Variants in KCNU1 observed in about 807,000 individuals in gnomAD.
KCNU1 encodes the protein potassium calcium-activated channel subfamily U member 1.
Under a neutral mutation model 126.8 loss-of-function variants are expected in KCNU1, and 93 were observed. The ratio of observed to expected loss-of-function variants is 0.73; its 90% confidence interval spans 0.62 to 0.87. The LOEUF (loss-of-function observed/expected upper bound fraction) is 0.87, where lower values mean the gene tolerates loss of function less well. Among genes scored for constraint, KCNU1 ranks in the 40% least tolerant of loss-of-function variants. KCNU1 has a pLI of 0.00. For missense variants in KCNU1, 1,330 were observed against 1,367.1 expected, an observed-to-expected ratio of 0.97 and a Z score of 0.43; for synonymous variants, 523 against 494.2, an observed-to-expected ratio of 1.06 and a Z score of -0.77.
chr8:36,890,509 A>G (rs1806918548), intron 19 of KCNU1, among the ~76,000 whole-genome samples: 1 of 152,010 alleles, frequency 6.6e-6, no homozygotes, highest in Admixed American at 6.6e-5. Context: ...AAAAATATAT[A>G]TAAGTGTTGT....
At chr8:36,799,292 C>T (rs935015976) in intron 2 of KCNU1, among the ~76,000 whole-genome samples, 11 of 151,842 alleles carry the variant, frequency 7.2e-5, no homozygotes, top group African/African-American at 2.4e-4. Context: ...AAAGGTATAG[C>T]GTATCTTCAA....
intron 19 of KCNU1, among the ~76,000 whole-genome samples, chr8:36,877,081 C>T (rs1469183407): frequency 3.9e-5 from 6 of 152,140 alleles, no homozygotes; most frequent in Non-Finnish European, 8.8e-5. Flanking sequence ...GTTACCTGCA[C>T]TTAGAAGCAC....
At chr8:36,840,435 C>A in intron 14 of KCNU1, 28 bp from the exon 15 acceptor site, 3 of 1,098,428 alleles carry the variant, frequency 2.7e-6, no homozygotes, top group Non-Finnish European at 4.2e-6. Flanking sequence ...TGTCGTTTTG[C>A]TTCGTGTGGC....
chr8:36,907,844 A>C (rs750675882), intron 20 of KCNU1, among the ~76,000 whole-genome samples: 4 of 152,244 alleles, frequency 2.6e-5, no homozygotes, highest in Non-Finnish European at 5.9e-5. Context: ...ACTCTGTACC[A>C]GCTTCTAAAT....
rs1807731886 is a variant in KCNU1, at chr8:36,908,604, T to A, written c.2107-707T>A. Among the ~76,000 whole-genome samples the A allele has an allele frequency of 2.1e-5, 3 of 142,762 alleles. No homozygotes were observed. The South Asian group carries it at 6.7e-4, about 32-fold the overall frequency. The allele number at this position is 142,762 out of a possible 152,430, so 93.7% of individuals were successfully genotyped here. ...CAAGGACAGACAATCAAACACCGCA[T>A]ATTCTCACTCATAGGTGGGAACTGA... On this transcript the variant is annotated intron_variant, in intron 20 of 26. Coordinates refer to ENST00000399881, the MANE Select transcript of KCNU1 (RefSeq NM_001031836.3).
rs754705519 is a variant in KCNU1, at chr8:36,932,925, A to T, written c.2937A>T (p.Arg979Ser). ...HETILSDVNP[R>S]NTFGQLFCGS... ...TTTGTCTCTTCTCTCCCCAGCCAAGAAACACCTTTGGACAACTGTTCTGTG... is the reference window on the plus strand; with the variant it reads ...TTTGTCTCTTCTCTCCCCAGCCAAGTAACACCTTTGGACAACTGTTCTGTG... The change falls in exon 26 of 27, where the codon AGA (arginine) becomes AGT (serine). Residue 979 changes from arginine to serine, a missense_variant. Transcript: ENST00000399881. 2 of 1,559,862 alleles carry T rather than the reference A, an allele frequency of 1.3e-6. No homozygotes were observed. Among genetic ancestry groups the T allele is most frequent in the South Asian group, 2.4e-5 (2 of 85,066 alleles).
chr8:36,825,171 G>A (rs1215360520), intron 10 of KCNU1, among the ~76,000 whole-genome samples: 1 of 151,928 alleles, frequency 6.6e-6, no homozygotes, highest in African/African-American at 2.4e-5. Context: ...CCATTCTTGT[G>A]GGTAGTACTT....
chr8:36,816,206 C>T (rs1317202628), intron 9 of KCNU1, among the ~76,000 whole-genome samples: 1 of 152,148 alleles, frequency 6.6e-6, no homozygotes, highest in Non-Finnish European at 1.5e-5. Context: ...TCTTCTATAG[C>T]GCCTCCTAGA....
At chr8:36,891,844 C>G (rs961423111) in intron 19 of KCNU1, among the ~76,000 whole-genome samples, 4 of 152,054 alleles carry the variant, frequency 2.6e-5, no homozygotes, top group African/African-American at 9.6e-5. Flanking sequence ...ATTAAGGATC[C>G]CTTGTAGATG....
intron 18 of KCNU1, among the ~76,000 whole-genome samples, chr8:36,862,823 C>T (rs1264824391): frequency 6.6e-6 from 1 of 152,086 alleles, no homozygotes; most frequent in East Asian, 1.9e-4. Flanking sequence ...TCTATAATTC[C>T]TAGGCTAGTT....
chr8:36,888,036 C>T (rs969961995), intron 19 of KCNU1, among the ~76,000 whole-genome samples: 7 of 152,006 alleles, frequency 4.6e-5, no homozygotes, highest in Non-Finnish European at 1.0e-4. Context: ...CTGGGTTGCC[C>T]TTGTCCAAGA....
intron 10 of KCNU1, among the ~76,000 whole-genome samples, chr8:36,828,085 A>G (rs1227661278): frequency 6.6e-6 from 1 of 152,066 alleles, no homozygotes; most frequent in South Asian, 2.1e-4. Flanking sequence ...AATATTTTCT[A>G]TTATATTAAA....
chr8:36,888,329 T>C (rs577823107), intron 19 of KCNU1, among the ~76,000 whole-genome samples: 1 of 152,262 alleles, frequency 6.6e-6, no homozygotes, highest in Admixed American at 6.5e-5. Context: ...AATGCCTTGA[T>C]TGGCTCACCA....
intron 19 of KCNU1, among the ~76,000 whole-genome samples, chr8:36,882,618 T>C (rs1413631659): frequency 6.6e-6 from 1 of 152,074 alleles, no homozygotes; most frequent in Non-Finnish European, 1.5e-5. Flanking sequence ...AGTTTTGCTC[T>C]TGTTGCCCAG....
chr8:36,853,125 G>A (rs866611763), intron 18 of KCNU1, among the ~76,000 whole-genome samples: 10 of 152,246 alleles, frequency 6.6e-5, no homozygotes, highest in Middle Eastern at 3.4e-3. Context: ...TGAGGTTGGC[G>A]TATCACCTGA....
intron 7 of KCNU1, among the ~76,000 whole-genome samples, chr8:36,812,362 A>C (rs956262086): frequency 6.8e-6 from 1 of 147,910 alleles, no homozygotes; most frequent in Non-Finnish European, 1.5e-5. Flanking sequence ...CCTGAGTGAC[A>C]GAGCAAGACT....
At chr8:36,934,619 T>A (rs1272453025) in intron 26 of KCNU1, among the ~76,000 whole-genome samples, 1 of 152,178 alleles carries the variant, frequency 6.6e-6, no homozygotes, top group East Asian at 1.9e-4. Flanking sequence ...GCTGATGTTT[T>A]TAAAAATAGA....
intron 18 of KCNU1, among the ~76,000 whole-genome samples, chr8:36,847,689 G>T (rs149287936): frequency 2.0e-5 from 3 of 152,222 alleles, no homozygotes; most frequent in East Asian, 3.9e-4. Context: ...TTGTTTATAC[G>T]TATCACATTT....
chr8:36,856,511 C>T (rs1805533493), intron 18 of KCNU1, among the ~76,000 whole-genome samples: 1 of 152,268 alleles, frequency 6.6e-6, no homozygotes, highest in Non-Finnish European at 1.5e-5. Flanking sequence ...AAGTTTGAAG[C>T]TTTTGATGTT....
Sources: allele counts gnomAD v4.1 joint callset (sites outside exome capture counted in the v4.1 genomes callset), GRCh38; gene constraint gnomAD v4.1.1; transcripts MANE v1.5; gene names NCBI Gene and HGNC (gene_info 2026-07-23, HGNC 2026-07-21).